MLIP: variants seen among roughly 807,000 people sequenced by gnomAD.
MLIP encodes the protein muscular LMNA-interacting protein.
MLIP carries 79 observed loss-of-function variants against 84.8 expected under a neutral mutation model. The observed-to-expected ratio is 0.93, with a 90% CI of 0.78 to 1.12. MLIP has a LOEUF of 1.12. Ranked by LOEUF, MLIP falls within the 50% of genes most tolerant of loss-of-function variation. The probability of loss-of-function intolerance (pLI) is 0.00; values close to 1 mark genes in which losing one functional copy is unlikely to be tolerated. For missense variants in MLIP, 1,257 were observed against 1,160.6 expected, an observed-to-expected ratio of 1.08 and a Z score of -1.21; for synonymous variants, 504 against 463.0, an observed-to-expected ratio of 1.09 and a Z score of -1.14.
intron 1 of MLIP, among the ~76,000 whole-genome samples, chr6:54,038,954 C>T (rs931501007): frequency 6.6e-6 from 1 of 151,764 alleles, no homozygotes; most frequent in Admixed American, 6.6e-5. Context: ...CACATTCTCG[C>T]CAAAGACATC....
intron 1 of MLIP, among the ~76,000 whole-genome samples, chr6:54,106,413 G>A (rs1582154007): frequency 6.6e-6 from 1 of 152,146 alleles, no homozygotes; most frequent in Non-Finnish European, 1.5e-5. Flanking sequence ...CATCCATATG[G>A]TGCTCATCAG....
At chr6:54,112,975 T>C (rs1243439282) in intron 1 of MLIP, among the ~76,000 whole-genome samples, 1 of 152,218 alleles carries the variant, frequency 6.6e-6, no homozygotes, top group African/African-American at 2.4e-5. Flanking sequence ...GTATCTTAGA[T>C]ACTTAAGTAG....
intron 11 of MLIP, chr6:54,215,605 G>T (rs909026502): frequency 4.0e-5 from 7 of 175,572 alleles, no homozygotes; most frequent in Admixed American, 6.4e-5. Context: ...TACTCTGTGT[G>T]TGTATATGGG....
intron 12 of MLIP, among the ~76,000 whole-genome samples, chr6:54,240,299 A>C (rs759730298): frequency 1.2e-4 from 19 of 152,226 alleles, no homozygotes; most frequent in Non-Finnish European, 2.1e-4. Context: ...ACAATCCATC[A>C]GTATAACTCC....
chr6:54,186,046 T>C (rs183947065), intron 9 of MLIP, among the ~76,000 whole-genome samples: 7 of 152,142 alleles, frequency 4.6e-5, no homozygotes, highest in Non-Finnish European at 8.8e-5. Context: ...ATGACATGAG[T>C]CAAAACCCAG....
At chr6:54,235,135 T>C (rs1781279149) in intron 12 of MLIP, among the ~76,000 whole-genome samples, 1 of 152,238 alleles carries the variant, frequency 6.6e-6, no homozygotes, top group Non-Finnish European at 1.5e-5. Flanking sequence ...TCTGTTATGC[T>C]TTATGCTTTT....
intron 8 of MLIP, among the ~76,000 whole-genome samples, chr6:54,161,460 A>T (rs536707860): frequency 1.3e-5 from 2 of 152,006 alleles, no homozygotes; most frequent in African/African-American, 4.8e-5. Flanking sequence ...TCTCCAAATT[A>T]TTTTTTTCAA....
At position 54,137,714 on chromosome 6, in the gene MLIP, G is replaced by C; in HGVS notation, c.1645G>C (p.Gly549Arg). Reference protein sequence around the residue: ...LLQTSTSSSVGLPPVPPSSSL... With the variant: ...LLQTSTSSSVRLPPVPPSSSL... ...ACAAACCAGTACATCCAGTTCTGTG[G>C]GTCTTCCTCCTGTTCCACCAAGCTC... The change falls in exon 4 of 14, where the codon GGT becomes CGT. Residue 549 changes from glycine to arginine, a missense_variant. Coordinates refer to ENST00000502396, the MANE Select transcript of MLIP (RefSeq NM_001281747.2). 8 of 1,535,966 alleles carry C rather than the reference G, an allele frequency of 5.2e-6. No homozygotes were observed. Among genetic ancestry groups the C allele is most frequent in the Non-Finnish European group, 7.0e-6 (8 of 1,146,872 alleles).
intron 11 of MLIP, among the ~76,000 whole-genome samples, chr6:54,225,666 C>T (rs1008518070): frequency 1.3e-5 from 2 of 152,116 alleles, no homozygotes; most frequent in Non-Finnish European, 2.9e-5. Flanking sequence ...CTCAGTAGAA[C>T]ATTAAAGAGT....
chr6:54,090,703 G>C (rs1002006639), intron 1 of MLIP, among the ~76,000 whole-genome samples: 1 of 151,774 alleles, frequency 6.6e-6, no homozygotes, highest in South Asian at 2.1e-4. Context: ...GAAAGAGAGA[G>C]AGAGAGAGGG....
chr6:54,041,602 T>A (rs961852254), intron 1 of MLIP, among the ~76,000 whole-genome samples: 6 of 152,144 alleles, frequency 3.9e-5, no homozygotes, highest in Admixed American at 1.3e-4. Flanking sequence ...TTTTCAATAT[T>A]TTTTATTATA....
intron 11 of MLIP, among the ~76,000 whole-genome samples, chr6:54,205,110 A>C (rs1299037952): frequency 6.6e-6 from 1 of 152,204 alleles, no homozygotes; most frequent in East Asian, 1.9e-4. Context: ...TTTAACTATC[A>C]TCTCATTGTG....
At chr6:54,224,517 T>C (rs898802317) in intron 11 of MLIP, among the ~76,000 whole-genome samples, 6 of 152,094 alleles carry the variant, frequency 3.9e-5, no homozygotes, top group African/African-American at 1.4e-4. Flanking sequence ...AATTCAGTTA[T>C]GTGTTGCTTA....
chr6:54,222,465 A>C (rs1028678144), intron 11 of MLIP, among the ~76,000 whole-genome samples: 12 of 151,958 alleles, frequency 7.9e-5, no homozygotes, highest in Non-Finnish European at 1.6e-4. Flanking sequence ...TACGTAATGC[A>C]CTATTTGTCT....
intron 11 of MLIP, chr6:54,203,914 G>A (rs1218735376): frequency 6.6e-6 from 1 of 152,114 alleles, no homozygotes; most frequent in African/African-American, 2.4e-5. Context: ...CACAAAATGA[G>A]GTGTTCAGAT....
At chr6:54,257,397 A>C (rs1783080003) in intron 13 of MLIP, 36 bp downstream of exon 13, 1 of 1,450,492 alleles carries the variant, frequency 6.9e-7, no homozygotes, top group Admixed American at 1.9e-5. Context: ...CTAATTATCC[A>C]TTTCTGTGTG....
At chr6:54,074,784 G>C (rs1032058359) in intron 1 of MLIP, among the ~76,000 whole-genome samples, 2 of 152,072 alleles carry the variant, frequency 1.3e-5, no homozygotes, top group African/African-American at 4.8e-5. Flanking sequence ...CTTTAAAATG[G>C]GGGAAAATAT....
intron 1 of MLIP, among the ~76,000 whole-genome samples, chr6:54,060,638 C>A (rs1765912496): frequency 6.6e-6 from 1 of 152,112 alleles, no homozygotes; most frequent in Non-Finnish European, 1.5e-5. Context: ...AGATGAAAAT[C>A]TATGGAATGG....
At chr6:54,131,280 T>C (rs996415578) in intron 3 of MLIP, among the ~76,000 whole-genome samples, 10 of 152,150 alleles carry the variant, frequency 6.6e-5, no homozygotes, top group African/African-American at 2.4e-4. Context: ...TTTATTTCCT[T>C]GAGGCTGTGG....
Sources: allele counts gnomAD v4.1 joint callset (sites outside exome capture counted in the v4.1 genomes callset), GRCh38; gene constraint gnomAD v4.1.1; transcripts MANE v1.5; gene names NCBI Gene and HGNC (gene_info 2026-07-23, HGNC 2026-07-21).